SPATA6: variants seen among roughly 807,000 people sequenced by gnomAD.
The protein encoded by SPATA6 is spermatogenesis-associated protein 6.
A neutral mutation model predicts 65.3 loss-of-function variants in SPATA6; 56 were observed. The observed-to-expected ratio is 0.86, with a 90% CI of 0.69 to 1.07. SPATA6 has a LOEUF of 1.07. SPATA6 is among the 50% of genes least tolerant of loss of function. The pLI, the probability that SPATA6 is intolerant of heterozygous loss-of-function variation, is 0.00. For synonymous variants in SPATA6, 199 were observed against 213.2 expected (o/e 0.93, Z 0.58); for missense variants, 590 against 594.8 (o/e 0.99, Z 0.08).
At chr1:48,441,408 G>A (rs1292241252) in intron 3 of SPATA6, among the ~76,000 whole-genome samples, 10 of 152,320 alleles carry the variant, frequency 6.6e-5, no homozygotes, top group African/African-American at 2.4e-4. Context: ...AGTTGTAATT[G>A]GGAGACTTTG....
At chr1:48,412,657 C>T (rs1026510600) in intron 4 of SPATA6, among the ~76,000 whole-genome samples, 11 of 152,070 alleles carry the variant, frequency 7.2e-5, no homozygotes, top group African/African-American at 2.4e-4. Context: ...CTCGCTCTGT[C>T]ACCCAGGCTG....
chr1:48,418,753 G>GAGGGAAGGAAGGAAGA (rs772922007), intron 3 of SPATA6, among the ~76,000 whole-genome samples: 1 of 139,418 alleles, frequency 7.2e-6, no homozygotes, highest in African/African-American at 2.6e-5. Flanking sequence ...AGGAAGGAAG[G>GAGGGAAGGAAGGAAGA]AGGGAAGGAA....
At chr1:48,386,500 A>G (rs1421040811) in intron 8 of SPATA6, among the ~76,000 whole-genome samples, 1 of 152,216 alleles carries the variant, frequency 6.6e-6, no homozygotes, top group Admixed American at 6.5e-5. Context: ...CATACATTGA[A>G]TAGATCAGCC....
At chr1:48,290,320 G>C in the SPATA6 span, among the ~76,000 whole-genome samples, 16 of 152,146 alleles carry the variant, frequency 1.1e-4, no homozygotes, top group South Asian at 4.1e-4. Context: ...GTCACCACCA[G>C]GCCTGCCCTA....
the SPATA6 span, among the ~76,000 whole-genome samples, chr1:48,279,184 T>C: frequency 8.6e-5 from 13 of 151,172 alleles, no homozygotes; most frequent in African/African-American, 3.2e-4. Flanking sequence ...GAAGGAAGCA[T>C]TAAACATGGA....
intron 9 of SPATA6, among the ~76,000 whole-genome samples, chr1:48,365,360 G>C (rs1016034080): frequency 1.3e-5 from 2 of 152,000 alleles, no homozygotes; most frequent in Admixed American, 1.3e-4. Context: ...CTTGATGGGG[G>C]TGGCATTGAA....
At chr1:48,459,863 T>C (rs1430364114) in intron 1 of SPATA6, among the ~76,000 whole-genome samples, 3 of 152,054 alleles carry the variant, frequency 2.0e-5, no homozygotes, top group African/African-American at 7.2e-5. Context: ...AATAACAGGG[T>C]CCTAAATCAC....
intron 11 of SPATA6, among the ~76,000 whole-genome samples, chr1:48,321,910 C>T (rs1645609172): frequency 6.6e-6 from 1 of 152,084 alleles, no homozygotes; most frequent in African/African-American, 2.4e-5. Context: ...CCTGGATAAC[C>T]AGTGAGTCAA....
the SPATA6 span, among the ~76,000 whole-genome samples, chr1:48,269,636 T>C: frequency 6.6e-6 from 1 of 152,096 alleles, no homozygotes. Flanking sequence ...TCCTATTTCA[T>C]AGGTAGACAA....
the SPATA6 span, among the ~76,000 whole-genome samples, chr1:48,280,974 G>T: frequency 6.6e-6 from 1 of 152,078 alleles, no homozygotes; most frequent in South Asian, 2.1e-4. Context: ...ATATCAAAAA[G>T]CTTATCCACC....
intron 3 of SPATA6, among the ~76,000 whole-genome samples, chr1:48,419,694 A>G (rs1274856566): frequency 1.3e-5 from 2 of 152,220 alleles, no homozygotes; most frequent in African/African-American, 4.8e-5. Flanking sequence ...TAGGCACATC[A>G]CTACTATTAT....
chr1:48,437,454 T>C (rs954639199), intron 3 of SPATA6, among the ~76,000 whole-genome samples: 3 of 152,214 alleles, frequency 2.0e-5, no homozygotes, highest in African/African-American at 7.2e-5. Flanking sequence ...GCTAGTGTCA[T>C]TTATTCTGGA....
intron 11 of SPATA6, among the ~76,000 whole-genome samples, chr1:48,312,162 C>A (rs1645236045): frequency 6.6e-6 from 1 of 152,198 alleles, no homozygotes; most frequent in Admixed American, 6.5e-5. Flanking sequence ...AAACAAAAGG[C>A]AGCAGAAACC....
chr1:48,264,068 T>C, the SPATA6 span, among the ~76,000 whole-genome samples: 1 of 152,164 alleles, frequency 6.6e-6, no homozygotes, highest in Non-Finnish European at 1.5e-5. Flanking sequence ...TGTCATCCAG[T>C]GTGTAGTTCA....
At chr1:48,331,831 G>A (rs1357122491) in intron 11 of SPATA6, among the ~76,000 whole-genome samples, 25 of 152,144 alleles carry the variant, frequency 1.6e-4, no homozygotes, top group Admixed American at 1.6e-3. Context: ...GAATAAAGGG[G>A]AGGTCACTCA....
intron 9 of SPATA6, among the ~76,000 whole-genome samples, chr1:48,368,840 A>G (rs1026502952): frequency 6.6e-6 from 1 of 152,188 alleles, no homozygotes; most frequent in Non-Finnish European, 1.5e-5. Context: ...GCTGGTGAGG[A>G]ACTGCATTCC....
At chr1:48,326,941 A>G (rs746728028) in intron 11 of SPATA6, among the ~76,000 whole-genome samples, 23 of 152,266 alleles carry the variant, frequency 1.5e-4, no homozygotes, top group Admixed American at 4.6e-4. Context: ...ATATTGGCCT[A>G]GACAAACAAC....
chr1:48,440,357 T>A (rs920402962), intron 3 of SPATA6, among the ~76,000 whole-genome samples: 1 of 152,194 alleles, frequency 6.6e-6, no homozygotes, highest in Non-Finnish European at 1.5e-5. Context: ...CTTGGAGAGA[T>A]GTTATACTAT....
intron 11 of SPATA6, among the ~76,000 whole-genome samples, chr1:48,324,327 C>T (rs1212378700): frequency 6.6e-6 from 1 of 152,120 alleles, no homozygotes; most frequent in African/African-American, 2.4e-5. Flanking sequence ...GGAGGGAGCA[C>T]TTTCAAACTC....
Sources: allele counts gnomAD v4.1 joint callset (sites outside exome capture counted in the v4.1 genomes callset), GRCh38; gene constraint gnomAD v4.1.1; transcripts MANE v1.5; gene names NCBI Gene and HGNC (gene_info 2026-07-23, HGNC 2026-07-21).